Variants in DENND1A observed in about 807,000 individuals in gnomAD.
DENND1A encodes DENN domain-containing protein 1A.
DENND1A carries 51 observed loss-of-function variants against 113.7 expected under a neutral mutation model. The ratio of observed to expected loss-of-function variants is 0.45; its 90% CI spans 0.36 to 0.57. The LOEUF (loss-of-function observed/expected upper bound fraction) is 0.57. Ranked by LOEUF, DENND1A falls within the 20% of genes least tolerant of loss-of-function variation. The probability of loss-of-function intolerance (pLI) is 0.00; values close to 1 mark genes in which losing one functional copy is unlikely to be tolerated. For missense variants in DENND1A, 1,258 were observed against 1,395.9 expected (o/e 0.90, Z 1.57); for synonymous variants, 565 against 570.8 (o/e 0.99, Z 0.14).
chr9:123,886,779 G>T (rs1283441364), intron 1 of DENND1A, among the ~76,000 whole-genome samples: 2 of 152,156 alleles, frequency 1.3e-5, no homozygotes, highest in Non-Finnish European at 2.9e-5. Flanking sequence ...CTCCATAGGA[G>T]AATGCAGTCA....
chr9:123,895,581 C>T (rs937311605), intron 1 of DENND1A, among the ~76,000 whole-genome samples: 1 of 149,774 alleles, frequency 6.7e-6, no homozygotes, highest in Non-Finnish European at 1.5e-5. Flanking sequence ...GAGATTATGC[C>T]ACTGCACACC....
chr9:123,530,015 T>C (rs1236052860), intron 13 of DENND1A, among the ~76,000 whole-genome samples: 1 of 152,058 alleles, frequency 6.6e-6, no homozygotes, highest in Non-Finnish European at 1.5e-5. Flanking sequence ...TACTAAAGAG[T>C]TCGCCAGAAC....
chr9:123,546,315 A>G (rs570739647), intron 13 of DENND1A, among the ~76,000 whole-genome samples: 8 of 152,100 alleles, frequency 5.3e-5, no homozygotes, highest in South Asian at 4.2e-4. Context: ...TTGGGAGGCC[A>G]AGGTGGGCAG....
intron 21 of DENND1A, among the ~76,000 whole-genome samples, chr9:123,389,816 G>C (rs566749747): frequency 6.6e-6 from 1 of 152,368 alleles, no homozygotes; most frequent in Admixed American, 6.5e-5. Flanking sequence ...GTGAGGGGCA[G>C]AGGGTGCGCA....
At chr9:123,891,789 C>A (rs1287925718) in intron 1 of DENND1A, among the ~76,000 whole-genome samples, 4 of 152,144 alleles carry the variant, frequency 2.6e-5, no homozygotes, top group Non-Finnish European at 5.9e-5. Context: ...CTGAAACAAC[C>A]AAAATTCCAT....
chr9:123,643,027 T>C (rs2062110350), intron 9 of DENND1A, among the ~76,000 whole-genome samples: 1 of 152,060 alleles, frequency 6.6e-6, no homozygotes, highest in Non-Finnish European at 1.5e-5. Context: ...CAATGGATGC[T>C]GTCGGTGGGA....
chr9:123,437,684 G>A (rs898439845), intron 19 of DENND1A: 6 of 152,184 alleles, frequency 3.9e-5, no homozygotes, highest in African/African-American at 7.2e-5. Context: ...TCGAGAGGAG[G>A]TGTCTGGGCT....
chr9:123,581,117 G>A (rs915032416), intron 12 of DENND1A, among the ~76,000 whole-genome samples: 1 of 152,116 alleles, frequency 6.6e-6, no homozygotes, highest in Admixed American at 6.5e-5. Flanking sequence ...ACGGGGTTGA[G>A]TTCATGCCTT....
At chr9:123,921,408 C>G (rs1477265938) in intron 1 of DENND1A, among the ~76,000 whole-genome samples, 1 of 152,202 alleles carries the variant, frequency 6.6e-6, no homozygotes, top group African/African-American at 2.4e-5. Flanking sequence ...TCACATACCC[C>G]TGGCTCCTCT....
At chr9:123,752,559 T>C (rs1369841920) in intron 5 of DENND1A, among the ~76,000 whole-genome samples, 1 of 152,230 alleles carries the variant, frequency 6.6e-6, no homozygotes, top group African/African-American at 2.4e-5. Flanking sequence ...TTAATTATTG[T>C]ATGACATATC....
chr9:123,858,278 C>T (rs12237146), intron 2 of DENND1A, among the ~76,000 whole-genome samples: 25,602 of 152,038 alleles, frequency 0.17, 4,103 homozygotes, highest in African/African-American at 0.42. Flanking sequence ...TCGACATAGT[C>T]GACTGACGTA....
chr9:123,630,077 G>A (rs2061408612), intron 10 of DENND1A, among the ~76,000 whole-genome samples: 1 of 151,918 alleles, frequency 6.6e-6, no homozygotes, highest in South Asian at 2.1e-4. Flanking sequence ...GTCTCACTCT[G>A]TTGCCCGGGA....
intron 5 of DENND1A, among the ~76,000 whole-genome samples, chr9:123,715,186 A>AAAT (rs532293488): frequency 2.2e-4 from 33 of 152,032 alleles, no homozygotes; most frequent in African/African-American, 6.5e-4. Flanking sequence ...TCTCCAAAAA[A>AAAT]AATAATAATA....
At chr9:123,863,827 C>T (rs575906297) in intron 2 of DENND1A, among the ~76,000 whole-genome samples, 3 of 152,210 alleles carry the variant, frequency 2.0e-5, no homozygotes, top group East Asian at 3.9e-4. Context: ...ATGCTATGTC[C>T]TCTATAGGAA....
At chr9:123,698,429 T>C (rs1484686929) in intron 5 of DENND1A, among the ~76,000 whole-genome samples, 2 of 152,220 alleles carry the variant, frequency 1.3e-5, no homozygotes, top group African/African-American at 2.4e-5. Context: ...ATCCAAATCA[T>C]CAACAGATAT....
At chr9:123,923,238 G>T (rs1420653561) in intron 1 of DENND1A, among the ~76,000 whole-genome samples, 1 of 152,184 alleles carries the variant, frequency 6.6e-6, no homozygotes, top group Non-Finnish European at 1.5e-5. Flanking sequence ...CCTCTAAGTT[G>T]ACTACAATGG....
intron 23 of DENND1A, 106 bp downstream of exon 23, chr9:123,383,549 A>G (rs2042395894): frequency 2.0e-6 from 3 of 1,502,174 alleles, no homozygotes; most frequent in South Asian, 2.6e-5. Context: ...GGGTCTTGGA[A>G]AGTCACTGTT....
intron 2 of DENND1A, among the ~76,000 whole-genome samples, chr9:123,847,329 A>G (rs1842761486): frequency 6.6e-6 from 1 of 152,220 alleles, no homozygotes; most frequent in Admixed American, 6.5e-5. Flanking sequence ...GCTCCAAAAA[A>G]AAAAGAAGTT....
At chr9:123,589,367 AT>A (rs1184327648) in intron 11 of DENND1A, among the ~76,000 whole-genome samples, 1 of 151,960 alleles carries the variant, frequency 6.6e-6, no homozygotes, top group Admixed American at 6.6e-5. Flanking sequence ...TTTGAGAGAG[AT>A]ATCTTTACTT....
Sources: gnomAD v4.1 joint callset for allele counts (sites outside exome capture counted in the v4.1 genomes callset) on GRCh38, gnomAD v4.1.1 for gene constraint, MANE v1.5 for transcripts, NCBI Gene and HGNC (gene_info 2026-07-23, HGNC 2026-07-21) for gene names.